The following LMO7 variants were observed in gnomAD, a reference collection of about 807,000 sequenced individuals.
LMO7 encodes LIM domain only protein 7.
Under a neutral mutation model 206.5 loss-of-function variants are expected in LMO7, and 120 were observed. That is an observed-to-expected ratio of 0.58 (90% confidence interval 0.50 to 0.68). LMO7 has a LOEUF of 0.68. Ranked by LOEUF, LMO7 falls within the 30% of genes least tolerant of loss-of-function variation. The probability of loss-of-function intolerance (pLI) is 0.00; values close to 1 mark genes in which losing one functional copy is unlikely to be tolerated. For synonymous variants in LMO7, 706 were observed against 681.5 expected (o/e 1.04, Z -0.56); for missense variants, 1,959 against 1,957.9 (o/e 1.00, Z -0.01).
At chr13:75,776,701 A>G (rs1255680867) in intron 4 of LMO7, among the ~76,000 whole-genome samples, 1 of 152,198 alleles carries the variant, frequency 6.6e-6, no homozygotes, top group Non-Finnish European at 1.5e-5. Context: ...GAGGTAATAC[A>G]TGGGAACATC....
At chr13:75,726,041 T>C (rs1214091814) in intron 2 of LMO7, among the ~76,000 whole-genome samples, 1 of 151,734 alleles carries the variant, frequency 6.6e-6, no homozygotes. Flanking sequence ...AAATTAAGAA[T>C]GTTTAATGAT....
chr13:75,731,662 A>T (rs1298432554), intron 3 of LMO7, among the ~76,000 whole-genome samples: 4 of 149,582 alleles, frequency 2.7e-5, no homozygotes, highest in Non-Finnish European at 4.4e-5. Flanking sequence ...GTGAATTTGA[A>T]CCTGTCATTA....
At position 75,835,307 on chromosome 13, in the gene LMO7, A is replaced by G. The variant is rs1383734921; in HGVS notation, c.3301A>G (p.Thr1101Ala). 3.7e-6 allele frequency: 6 copies of G among 1,606,688 alleles called. No individual in the cohort carries two copies. The highest frequency in any genetic ancestry group is 5.1e-6 in the Non-Finnish European group (6 of 1,176,602). The change falls in exon 18 of 31, where the codon ACA (threonine) becomes GCA (alanine). Residue 1101 changes from threonine (T) to alanine (A), a missense_variant. Thr to Ala is a moderately conservative substitution (Grantham distance 58, BLOSUM62 0). Transcript: ENST00000377534. ...NSEKSSNLSV[T>A]TDFSESLQSS... Reference sequence around the variant, plus strand: ...AGAAAAATCTTCAAATCTATCTGTAACAACTGATTTCTCCGAAAGCCTTCA... The same window carrying G: ...AGAAAAATCTTCAAATCTATCTGTAGCAACTGATTTCTCCGAAAGCCTTCA...
At chr13:75,812,384 T>G (rs1325741463) in intron 11 of LMO7, among the ~76,000 whole-genome samples, 1 of 152,268 alleles carries the variant, frequency 6.6e-6, no homozygotes, top group Non-Finnish European at 1.5e-5. Flanking sequence ...GATGGAAATA[T>G]ACTTAGAGGT....
At chr13:75,665,053 GGT>G (rs1259821270) in intron 1 of LMO7, among the ~76,000 whole-genome samples, 1 of 152,028 alleles carries the variant, frequency 6.6e-6, no homozygotes, top group African/African-American at 2.4e-5. Context: ...TTGAGGGTCA[GGT>G]GTGTGTATAT....
At chr13:75,651,533 C>T (rs1400416572) in intron 1 of LMO7, among the ~76,000 whole-genome samples, 1 of 152,150 alleles carries the variant, frequency 6.6e-6, no homozygotes, top group Non-Finnish European at 1.5e-5. Context: ...TGGTCTTGAA[C>T]TCCTGACCTC....
intron 25 of LMO7, among the ~76,000 whole-genome samples, chr13:75,843,621 G>A (rs1420351679): frequency 3.9e-5 from 6 of 152,212 alleles, no homozygotes; most frequent in Non-Finnish European, 8.8e-5. Flanking sequence ...CTACTGGTCA[G>A]TTTTGGGGAA....
chr13:75,698,242 A>G (rs2042033089), intron 1 of LMO7, among the ~76,000 whole-genome samples: 2 of 152,096 alleles, frequency 1.3e-5, no homozygotes, highest in Admixed American at 6.6e-5. Flanking sequence ...TAGAAATTCC[A>G]CTTTGCAAAT....
Position 75,727,143 on chromosome 13 carries a change from A to T in LMO7, c.210+45A>T, listed in dbSNP as rs532536244. The T allele has an allele frequency of 1.2e-4, 157 of 1,292,460 alleles. 1 individual carries two copies. The Admixed American group carries it at 2.7e-3, about 22-fold the overall frequency. 80.1% of individuals were successfully genotyped at this position (1,292,460 alleles called of 1,614,324 possible). ...CACAACTAAATTTATTTGTCTTTGA[A>T]ATGTAAAGAGGTGGGCATAGGCAGA... On this transcript the variant is annotated intron_variant, in intron 3 of 30. Transcript: ENST00000377534.
In LMO7 at chr13:75,800,671, A is replaced by C. The variant is rs2054618489; in HGVS notation, c.463-13A>C. 6.2e-7 allele frequency: 1 copy of C among 1,611,804 alleles called. No homozygotes were observed. The highest frequency in any genetic ancestry group is 1.7e-5 in the Admixed American group (1 of 59,828). ...TATTTAACTTACTATTCTTTAAAAA[A>C]CGTTTTCTTTAGGCACTCGAAGACT... is the stretch of plus-strand genomic sequence containing the variant. On this transcript the variant is annotated splice_polypyrimidine_tract_variant and intron_variant, in intron 6 of 30. Coordinates refer to ENST00000377534, the MANE Select transcript of LMO7 (RefSeq NM_001306080.2).
Position 75,718,883 on chromosome 13 carries a change from C to T in LMO7, c.140+5631C>T, listed in dbSNP as rs564503851. 9.2e-5 allele frequency among the ~76,000 whole-genome samples: 14 copies of T among 152,080 alleles called. 1 individual carries two copies. The East Asian group carries it at 2.7e-3, about 29-fold the overall frequency. On this transcript the variant is annotated intron_variant, in intron 2 of 30. Coordinates refer to ENST00000377534, the MANE Select transcript of LMO7 (RefSeq NM_001306080.2). ...TTTTCCAGAATGTCACATAGTTGGA[C>T]TCATACAGTGCATAGCCTTTTCAGA...
At chr13:75,714,534 G>A (rs1219809959) in intron 2 of LMO7, among the ~76,000 whole-genome samples, 1 of 152,154 alleles carries the variant, frequency 6.6e-6, no homozygotes, top group African/African-American at 2.4e-5. Context: ...ACCTAAAGAA[G>A]TGTCAATTTC....
At chr13:75,734,203 TA>T (rs1311096474) in intron 3 of LMO7, among the ~76,000 whole-genome samples, 2 of 152,196 alleles carry the variant, frequency 1.3e-5, no homozygotes, top group African/African-American at 2.4e-5. Flanking sequence ...ATTTTGTGTA[TA>T]AAATATACCC....
At chr13:75,799,621 A>G (rs2054479983) in intron 6 of LMO7, among the ~76,000 whole-genome samples, 1 of 152,222 alleles carries the variant, frequency 6.6e-6, no homozygotes. Flanking sequence ...ATTTTGAATC[A>G]TGACTTAATC....
intron 29 of LMO7, among the ~76,000 whole-genome samples, chr13:75,855,651 G>A (rs1418321756): frequency 2.6e-5 from 4 of 152,200 alleles, no homozygotes; most frequent in Non-Finnish European, 5.9e-5. Flanking sequence ...TGCTGTCAGA[G>A]GCATACTTGA....
chr13:75,758,789 CT>C (rs1052105853), intron 3 of LMO7, among the ~76,000 whole-genome samples: 2 of 152,086 alleles, frequency 1.3e-5, no homozygotes, highest in Non-Finnish European at 2.9e-5. Context: ...AGTAAGTTTA[CT>C]TTTAGTTTAA....
chr13:75,660,158 T>C (rs1296830913), intron 1 of LMO7, among the ~76,000 whole-genome samples: 1 of 152,224 alleles, frequency 6.6e-6, no homozygotes, highest in Non-Finnish European at 1.5e-5. Context: ...TTCTAGACGA[T>C]GTAGGGGCTA....
intron 1 of LMO7, among the ~76,000 whole-genome samples, chr13:75,644,764 G>T (rs902100885): frequency 3.9e-5 from 6 of 152,126 alleles, no homozygotes; most frequent in Non-Finnish European, 7.4e-5. Context: ...GAACAGCTGG[G>T]AGACTATAGG....
intron 3 of LMO7, among the ~76,000 whole-genome samples, chr13:75,757,232 C>G (rs1280986641): frequency 1.3e-5 from 2 of 152,198 alleles, no homozygotes; most frequent in African/African-American, 4.8e-5. Context: ...GCCTTGGAAA[C>G]AGCTCCTCCA....
Sources: allele counts gnomAD v4.1 joint callset (sites outside exome capture counted in the v4.1 genomes callset), GRCh38; gene constraint gnomAD v4.1.1; transcripts MANE v1.5; gene names NCBI Gene and HGNC (gene_info 2026-07-23, HGNC 2026-07-21).